OSBPL3: variants seen among roughly 807,000 people sequenced by gnomAD.
OSBPL3 encodes the protein oxysterol-binding protein-related protein 3.
OSBPL3 carries 65 observed loss-of-function variants against 120.1 expected under a neutral mutation model. The ratio of observed to expected loss-of-function variants is 0.54; its 90% CI spans 0.44 to 0.67. The LOEUF (loss-of-function observed/expected upper bound fraction) is 0.67. Among genes scored for constraint, OSBPL3 ranks in the 30% least tolerant of loss-of-function variants. OSBPL3 has a pLI of 0.00. For missense variants in OSBPL3, 1,004 were observed against 1,082.1 expected (o/e 0.93, Z 1.01); for synonymous variants, 416 against 402.6 (o/e 1.03, Z -0.40).
At chr7:24,844,993 A>G (rs1268908438) in intron 12 of OSBPL3, among the ~76,000 whole-genome samples, 1 of 152,236 alleles carries the variant, frequency 6.6e-6, no homozygotes, top group African/African-American at 2.4e-5. Context: ...GTCACAGAGT[A>G]ATAATAAAAT....
intron 1 of OSBPL3, among the ~76,000 whole-genome samples, chr7:24,957,735 A>C (rs534588039): frequency 3.9e-4 from 59 of 152,262 alleles, no homozygotes; most frequent in African/African-American, 1.4e-3. Context: ...ACCAAAAAGG[A>C]GGGAGGGCAC....
In OSBPL3 at chr7:24,866,328, T is replaced by A. The variant is rs191260919; in HGVS notation, c.382-91A>T. The A allele has an allele frequency of 1.6e-5, 15 of 965,108 alleles. No individual in the cohort carries two copies. The Middle Eastern group carries it at 9.6e-4, about 62-fold the overall frequency. The allele number at this position is 965,108 out of a possible 1,614,324, so 59.8% of individuals were successfully genotyped here. ...CAAATTGAGGCCACTCTCAAAATCC[T>A]CTTTTTCAGTTGGCACGTAATTTCA... On this transcript the variant is annotated intron_variant, in intron 5 of 22. Transcript: ENST00000313367.
chr7:24,948,587 A>C (rs1238239359), intron 1 of OSBPL3, among the ~76,000 whole-genome samples: 1 of 152,220 alleles, frequency 6.6e-6, no homozygotes, highest in Non-Finnish European at 1.5e-5. Flanking sequence ...TCTATTATCC[A>C]TTCTATGGAA....
chr7:24,889,976 G>C (rs1805104460), intron 2 of OSBPL3, among the ~76,000 whole-genome samples: 1 of 152,172 alleles, frequency 6.6e-6, no homozygotes, highest in African/African-American at 2.4e-5. Context: ...ACTCTGCACT[G>C]GGGTCCTGGG....
rs1156584840 is a variant in OSBPL3 at position 24,937,652 on chromosome 7, A to G, written c.-150+42234T>C. On this transcript the variant is annotated intron_variant, in intron 1 of 22. Coordinates refer to ENST00000313367, the MANE Select transcript of OSBPL3 (RefSeq NM_015550.4). This position sits in a 1 kb window ranked among gnomAD's most constrained non-coding sequence, Gnocchi z 4.0. ...GTGCCACACTTTTACATATCTGGAAATAGAACTGGAGGTTTATGGTGCTAT... is the reference window on the plus strand; with the variant it reads ...GTGCCACACTTTTACATATCTGGAAGTAGAACTGGAGGTTTATGGTGCTAT... Among the ~76,000 whole-genome samples the G allele has an allele frequency of 1.3e-5, 2 of 152,360 alleles. No individual in the cohort carries two copies. Among genetic ancestry groups the G allele is most frequent in the East Asian group, 3.9e-4 (2 of 5,194 alleles).
chr7:24,846,201 G>A (rs1246464611), intron 12 of OSBPL3, among the ~76,000 whole-genome samples: 1 of 152,160 alleles, frequency 6.6e-6, no homozygotes, highest in African/African-American at 2.4e-5. Context: ...GCTTGAATGA[G>A]TGTTTTATTT....
intron 1 of OSBPL3, among the ~76,000 whole-genome samples, chr7:24,949,840 C>G (rs545406446): frequency 6.6e-6 from 1 of 152,140 alleles, no homozygotes; most frequent in African/African-American, 2.4e-5. Flanking sequence ...CCTCTCTCCC[C>G]GCTCCCTCAG....
In OSBPL3 at chr7:24,918,091, G is replaced by A; in HGVS notation, c.-149-25470C>T. On this transcript the variant is annotated intron_variant, in intron 1 of 22. Transcript: ENST00000313367. The surrounding 1 kb of genome is among the most constrained non-coding windows in gnomAD (Gnocchi z 4.3). ...CTCGACGCACATAATGACAAGCACA[G>A]GTGCTGTTTCTCAGTGTGTATCAGG... 1.0e-6 allele frequency: 1 copy of A among 984,894 alleles called. No homozygotes were observed. Among genetic ancestry groups the A allele is most frequent in the Non-Finnish European group, 1.2e-6 (1 of 829,482 alleles). 61.0% of individuals were successfully genotyped at this position (984,894 alleles called of 1,614,324 possible).
In OSBPL3 at chr7:24,947,824, C is replaced by T. The variant is rs1207627648; in HGVS notation, c.-150+32062G>A. Among the ~76,000 whole-genome samples the T allele has an allele frequency of 1.3e-5, 2 of 150,670 alleles. No homozygotes were observed. Among genetic ancestry groups the T allele is most frequent in the African/African-American group, 4.9e-5 (2 of 40,578 alleles). On this transcript the variant is annotated intron_variant, in intron 1 of 22. Transcript: ENST00000313367. This position sits in a 1 kb window ranked among gnomAD's most constrained non-coding sequence, Gnocchi z 4.4. ...CACACACACACTCATTGCATACTAC[C>T]CATGTGCCAGATTCTGTGATCGGTG... is the stretch of plus-strand genomic sequence containing the variant.
At position 24,803,241 on chromosome 7, in the gene OSBPL3, G is replaced by T. The variant is rs1269675658; in HGVS notation, c.2567+1074C>A. Among the ~76,000 whole-genome samples, 1 of 152,198 alleles carries T rather than the reference G, an allele frequency of 6.6e-6. No homozygotes were observed. Among genetic ancestry groups the T allele is most frequent in the Non-Finnish European group, 1.5e-5 (1 of 68,032 alleles). Reference sequence around the variant, plus strand: ...TGGTGGCCCTGGAAGGACTTGGGCAGATGGAGTAGAGCAGGAACTTGCTGC... The same window carrying T: ...TGGTGGCCCTGGAAGGACTTGGGCATATGGAGTAGAGCAGGAACTTGCTGC... On this transcript the variant is annotated intron_variant, in intron 22 of 22. Coordinates refer to ENST00000313367, the MANE Select transcript of OSBPL3 (RefSeq NM_015550.4). The surrounding 1 kb of genome is among the most constrained non-coding windows in gnomAD (Gnocchi z 4.2).
rs989122024 is a variant in OSBPL3 at position 24,863,712 on chromosome 7, A to G, written c.674-113T>C. 2 of 693,532 alleles carry G rather than the reference A, an allele frequency of 2.9e-6. No individual in the cohort carries two copies. The highest frequency in any genetic ancestry group is 3.6e-5 in the African/African-American group (2 of 55,564). The allele number at this position is 693,532 out of a possible 1,614,324, so 43.0% of individuals were successfully genotyped here. ...TTATCTGTAGTTGATTTTTTTTTTC[A>G]TCTGTAAGGGTTGGAAATTTTACTT... On this transcript the variant is annotated intron_variant, in intron 7 of 22. Transcript: ENST00000313367. This position sits in a 1 kb window ranked among gnomAD's most constrained non-coding sequence, Gnocchi z 5.8.
rs148916700 is a variant in OSBPL3 at position 24,813,572 on chromosome 7, G to A, written c.2172+1487C>T. 2.6e-5 allele frequency among the ~76,000 whole-genome samples: 4 copies of A among 152,280 alleles called. No homozygotes were observed. The highest frequency in any genetic ancestry group is 5.9e-5 in the Non-Finnish European group (4 of 68,024). ...GGGTCATTTTTATTTTGTCCCACAT[G>A]TAAGGTCATTATGGGCTTTATGTCT... On this transcript the variant is annotated intron_variant, in intron 19 of 22. Transcript: ENST00000313367. The surrounding 1 kb of genome is among the most constrained non-coding windows in gnomAD (Gnocchi z 4.5).
chr7:24,955,711 G>C lies in OSBPL3; in HGVS notation c.-150+24175C>G, dbSNP rs1814965206. The stretch of plus-strand genomic sequence containing the variant: ...TTCTCCACAGCACTTACTATCACCT[G>C]ACATACATATTTATTTGCTTATAAT... On this transcript the variant is annotated intron_variant, in intron 1 of 22. Transcript: ENST00000313367. This position sits in a 1 kb window ranked among gnomAD's most constrained non-coding sequence, Gnocchi z 4.3. 6.6e-6 allele frequency among the ~76,000 whole-genome samples: 1 copy of C among 152,178 alleles called. No individual in the cohort carries two copies. Among genetic ancestry groups the C allele is most frequent in the Non-Finnish European group, 1.5e-5 (1 of 68,028 alleles).
At position 24,892,484 on chromosome 7, in the gene OSBPL3, C is replaced by A; in HGVS notation, c.-12G>T. On this transcript the variant is annotated 5_prime_UTR_variant, in exon 2 of 23. Transcript: ENST00000313367. Reference sequence around the variant, plus strand: ...TCATCACTCATCATGGACAGCAAGTCACTTGGCCTCGAGACAATCAAAATG... The same window carrying A: ...TCATCACTCATCATGGACAGCAAGTAACTTGGCCTCGAGACAATCAAAATG... 1.2e-6 allele frequency: 2 copies of A among 1,610,174 alleles called. No homozygotes were observed. The highest frequency in any genetic ancestry group is 2.2e-5 in the East Asian group (1 of 44,816).
chr7:24,948,096 G>T (rs55844228), intron 1 of OSBPL3, among the ~76,000 whole-genome samples: 8,758 of 152,140 alleles, frequency 0.058, 498 homozygotes, highest in East Asian at 0.27. Context: ...TAACAACAAG[G>T]ACACATCACA....
chr7:24,820,300 A>G lies in OSBPL3; in HGVS notation c.1885-62T>C. 8 of 1,246,428 alleles carry G rather than the reference A, an allele frequency of 6.4e-6. No individual in the cohort carries two copies. The highest frequency in any genetic ancestry group is 1.8e-5 in the Admixed American group (1 of 56,526). 77.2% of individuals were successfully genotyped at this position (1,246,428 alleles called of 1,614,324 possible). On this transcript the variant is annotated intron_variant, in intron 16 of 22. Transcript: ENST00000313367. The surrounding 1 kb of genome is among the most constrained non-coding windows in gnomAD (Gnocchi z 4.6). The stretch of plus-strand genomic sequence containing the variant: ...TGAACTTTTGTGTCTCATGAAATCC[A>G]TTCTTTCTCCCCTGCACTGAGATGT...
chr7:24,892,637 T>C lies in OSBPL3; in HGVS notation c.-149-16A>G, dbSNP rs947266097. 1 of 1,345,258 alleles carries C rather than the reference T, an allele frequency of 7.4e-7. No individual in the cohort carries two copies. The highest frequency in any genetic ancestry group is 2.1e-5 in the South Asian group (1 of 48,744). 83.3% of individuals were successfully genotyped at this position (1,345,258 alleles called of 1,614,324 possible). On this transcript the variant is annotated splice_polypyrimidine_tract_variant and intron_variant, in intron 1 of 22. Coordinates refer to ENST00000313367, the MANE Select transcript of OSBPL3 (RefSeq NM_015550.4). ...ACCCTAAAACCTAAAAAAGAGAAAT[T>C]AGAAAGAAGGTCAGAGGCATCAGAT...
intron 1 of OSBPL3, among the ~76,000 whole-genome samples, chr7:24,941,841 T>C (rs190041072): frequency 6.6e-6 from 1 of 152,334 alleles, no homozygotes; most frequent in African/African-American, 2.4e-5. Flanking sequence ...ACAGTGGTGG[T>C]ATTGAAGGCC....
In OSBPL3 at chr7:24,898,744, G is replaced by A. The variant is rs570217246; in HGVS notation, c.-149-6123C>T. Among the ~76,000 whole-genome samples the A allele has an allele frequency of 2.6e-5, 4 of 152,184 alleles. No individual in the cohort carries two copies. The highest frequency in any genetic ancestry group is 1.9e-4 in the East Asian group (1 of 5,172). ...TCACTGAGTAAACAAAACAACAAGC[G>A]CAATAACACCAGTCATTAGAATCAT... On this transcript the variant is annotated intron_variant, in intron 1 of 22. Coordinates refer to ENST00000313367, the MANE Select transcript of OSBPL3 (RefSeq NM_015550.4). The surrounding 1 kb of genome is among the most constrained non-coding windows in gnomAD (Gnocchi z 4.3).
Sources: allele counts gnomAD v4.1 joint callset (sites outside exome capture counted in the v4.1 genomes callset), GRCh38; gene constraint gnomAD v4.1.1; non-coding constraint Gnocchi (gnomAD v3.1); transcripts MANE v1.5; gene names NCBI Gene and HGNC (gene_info 2026-07-23, HGNC 2026-07-21).